THAP9: variants seen among roughly 807,000 people sequenced by gnomAD.
THAP9 encodes the protein THAP domain containing 9.
THAP9 carries 20 observed loss-of-function variants against 35.7 expected under a neutral mutation model. The ratio of observed to expected loss-of-function variants is 0.56; its 90% CI spans 0.39 to 0.81. The LOEUF is 0.81. Ranked by LOEUF, THAP9 falls within the 40% of genes least tolerant of loss-of-function variation. THAP9 has a pLI of 0.00. For synonymous variants in THAP9, 335 were observed against 373.7 expected (o/e 0.90, Z 1.19); for missense variants, 870 against 1,047.4 (o/e 0.83, Z 2.34).
At chr4:82,909,803 T>G (rs1720800325) in intron 4 of THAP9, among the ~76,000 whole-genome samples, 1 of 152,188 alleles carries the variant, frequency 6.6e-6, no homozygotes, top group Non-Finnish European at 1.5e-5. Flanking sequence ...GGTACTGTGT[T>G]GATAATTTCT....
chr4:82,903,164 CAAA>C (rs1010850523), intron 1 of THAP9, among the ~76,000 whole-genome samples: 13 of 152,312 alleles, frequency 8.5e-5, no homozygotes, highest in Admixed American at 4.6e-4. Context: ...AAGATAACGT[CAAA>C]GAAGAAGGGG....
At position 82,919,788 on chromosome 4, in the gene THAP9, G is replaced by A. The variant is rs947614576; in HGVS notation, c.*864G>A. The A allele has an allele frequency of 3.1e-4, 47 of 152,308 alleles. No individual in the cohort carries two copies. Among genetic ancestry groups the A allele is most frequent in the African/African-American group, 1.1e-3 (46 of 41,564 alleles). The allele number at this position is 152,308 out of a possible 1,614,324, so 9.4% of individuals were successfully genotyped here. On this transcript the variant is annotated 3_prime_UTR_variant, in exon 5 of 5. Transcript: ENST00000302236. The stretch of plus-strand genomic sequence containing the variant: ...CATAGGTAACTCTACTTTCACAAAT[G>A]AGGATAGTTTAACGGATAGAAGAAA...
Position 82,919,067 on chromosome 4 carries a change from T to C in THAP9, c.*143T>C. 1.5e-6 allele frequency: 1 copy of C among 658,206 alleles called. No individual in the cohort carries two copies. The highest frequency in any genetic ancestry group is 2.4e-5 in the South Asian group (1 of 42,374). The allele number at this position is 658,206 out of a possible 1,614,324, so 40.8% of individuals were successfully genotyped here. A position where few individuals can be genotyped will look rare whatever the true frequency, so the allele number is the denominator to read the frequency against. ...ACTTATTAAAATTTCAAATTCTGCA[T>C]ATCACAAAATCTCCTTATACTTTTG... On this transcript the variant is annotated 3_prime_UTR_variant, in exon 5 of 5. Transcript: ENST00000302236.
At chr4:82,905,838 GTAT>G (rs1720623563) in intron 2 of THAP9, 2 of 455,530 alleles carry the variant, frequency 4.4e-6, no homozygotes, top group Admixed American at 2.4e-5. Flanking sequence ...AAAGAATCCT[GTAT>G]TATTATCCAC....
At chr4:82,906,295 ATAACT>A in intron 2 of THAP9, 24 bp from the exon 3 acceptor site, 2 of 1,503,430 alleles carry the variant, frequency 1.3e-6, no homozygotes, top group Non-Finnish European at 1.8e-6. Context: ...TATTTCTAAA[ATAACT>A]TTAATTTTAT....
At chr4:82,907,619 G>C (rs1344392844) in intron 3 of THAP9, among the ~76,000 whole-genome samples, 166 bp from the exon 4 acceptor site, 1 of 152,058 alleles carries the variant, frequency 6.6e-6, no homozygotes, top group Non-Finnish European at 1.5e-5. Flanking sequence ...GAATAAATTG[G>C]TCAAGGGGTC....
chr4:82,913,020 AC>A (rs1439040269), intron 4 of THAP9, among the ~76,000 whole-genome samples: 2 of 152,188 alleles, frequency 1.3e-5, no homozygotes, highest in Non-Finnish European at 2.9e-5. Flanking sequence ...ATTAACAGTA[AC>A]TTTTACTTCT....
rs765465472 is a variant in THAP9 at position 82,917,442 on chromosome 4, A to C, written c.1230A>C (p.Ala410=). ...CTTCATCTTCTAGTCAACAGATTGC[A>C]TACTTCTTTGACTCTTGCCACTTGC... is the stretch of plus-strand genomic sequence containing the variant. ...QHPSSSSQQI[A]YFFDSCHLLR... is the part of the protein sequence containing the mutation. Residue 410 remains alanine, a synonymous_variant, in exon 5 of 5, where the codon GCA becomes GCC. Coordinates refer to ENST00000302236, the MANE Select transcript of THAP9 (RefSeq NM_024672.6). The C allele has an allele frequency of 5.6e-6, 9 of 1,614,002 alleles. No homozygotes were observed. Among genetic ancestry groups the C allele is most frequent in the East Asian group, 2.2e-5 (1 of 44,898 alleles).
chr4:82,908,045 A>G, intron 4 of THAP9, 110 bp downstream of exon 4: 1 of 1,185,270 alleles, frequency 8.4e-7, no homozygotes, highest in East Asian at 2.6e-5. Flanking sequence ...CTTTTGTTGC[A>G]TTTTACTTAT....
At position 82,906,508 on chromosome 4, in the gene THAP9, T is replaced by C. The variant is rs886445860; in HGVS notation, c.461T>C (p.Ile154Thr). ...QMLQVSKKRL[I>T]SVKNYRMIKK... Reference sequence around the variant, plus strand: ...TTACAAGTGTCCAAAAAAAGACTTATCTCCGTAAAGAACTACAGGATGATC... The same window carrying C: ...TTACAAGTGTCCAAAAAAAGACTTACCTCCGTAAAGAACTACAGGATGATC... The change falls in exon 3 of 5, where the codon ATC becomes ACC. Residue 154 changes from isoleucine (I) to threonine (T), a missense_variant. Coordinates refer to ENST00000302236, the MANE Select transcript of THAP9 (RefSeq NM_024672.6). The C allele has an allele frequency of 8.1e-6, 13 of 1,613,670 alleles. No individual in the cohort carries two copies. The highest frequency in any genetic ancestry group is 6.7e-5 in the African/African-American group (5 of 74,868).
chr4:82,908,042 T>TG, intron 4 of THAP9, 107 bp downstream of exon 4: 1 of 1,206,952 alleles, frequency 8.3e-7, no homozygotes, highest in Non-Finnish European at 1.2e-6. Flanking sequence ...ATTCTTTTGT[T>TG]GCATTTTACT....
At chr4:82,900,979 C>T (rs570056529) in intron 1 of THAP9, 97 bp downstream of exon 1, 4 of 1,425,158 alleles carry the variant, frequency 2.8e-6, no homozygotes, top group East Asian at 4.8e-5. Context: ...CTGTGGGTCG[C>T]GCCGCGTGTG....
At position 82,919,218 on chromosome 4, in the gene THAP9, G is replaced by A; in HGVS notation, c.*294G>A. ...AGACTAAGCAGTGTTACTGGACACA[G>A]TTTTAACTTGTTCAATCTGCTTCAA... On this transcript the variant is annotated 3_prime_UTR_variant, in exon 5 of 5. Transcript: ENST00000302236. 1 of 207,544 alleles carries A rather than the reference G, an allele frequency of 4.8e-6. No homozygotes were observed. 12.9% of individuals were successfully genotyped at this position (207,544 alleles called of 1,614,324 possible). A position where few individuals can be genotyped will look rare whatever the true frequency, so the allele number is the denominator to read the frequency against.
rs1216408116 is a variant in THAP9, at chr4:82,918,069, T to C, written c.1857T>C (p.Leu619=). The part of the protein sequence containing the change: ...HDHLELFLKM[L]RQVLVTSSSP... ...ATCTGGAATTATTTCTAAAGATGCTTAGGCAGGTATTAGTAACAAGTTCTA... is the reference window on the plus strand; with the variant it reads ...ATCTGGAATTATTTCTAAAGATGCTCAGGCAGGTATTAGTAACAAGTTCTA... The change falls in exon 5 of 5, where the codon CTT becomes CTC. Residue 619 remains leucine (L), a synonymous_variant. Transcript: ENST00000302236. 6 of 1,614,022 alleles carry C rather than the reference T, an allele frequency of 3.7e-6. No individual in the cohort carries two copies. Among genetic ancestry groups the C allele is most frequent in the African/African-American group, 2.7e-5 (2 of 74,948 alleles).
In THAP9 at chr4:82,906,396, CAAG is replaced by C. The variant is rs1578446453; in HGVS notation, c.353_355del (p.Glu118del). The C allele has an allele frequency of 4.3e-6, 7 of 1,613,440 alleles. No homozygotes were observed. The highest frequency in any genetic ancestry group is 2.2e-5 in the East Asian group (1 of 44,864). ...AAAACAACCTCTTCCAGACAATTCT[CAAG>C]AAGTTGCTACTGAGGACCATAACTA... On this transcript the variant is annotated inframe_deletion, in exon 3 of 5. Transcript: ENST00000302236.
rs6535411 is a variant in THAP9 at position 82,918,646 on chromosome 4, A to G, written c.2434A>G (p.Asn812Asp). ...ATTATGTGAGCTTTCTGGGCATATT[A>G]ATCTTTTTGTAGATGTGAATAAGCA... ...KILCELSGHI[N>D]LFVDVNKHLF... is the part of the protein sequence containing the mutation. Residue 812 changes from asparagine (N) to aspartate (D), a missense_variant, in exon 5 of 5, where the codon AAT becomes GAT. Physicochemically the swap from Asn to Asp is conservative, Grantham distance 23. This residue lies in a region of THAP9 where 414 missense variants were observed against 500.8 expected (regional missense o/e 0.83). Coordinates refer to ENST00000302236, the MANE Select transcript of THAP9 (RefSeq NM_024672.6). 1 allele frequency: 1,607,407 copies of G among 1,614,096 alleles called. 800,569 individuals carry two copies. Among genetic ancestry groups the G allele is most frequent in the East Asian group, 1 (44,870 of 44,870 alleles).
At chr4:82,908,486 T>C (rs183859145) in intron 4 of THAP9, among the ~76,000 whole-genome samples, 1 of 152,244 alleles carries the variant, frequency 6.6e-6, no homozygotes, top group Non-Finnish European at 1.5e-5. Flanking sequence ...TGGATAGATA[T>C]AATTCTCTTA....
intron 4 of THAP9, among the ~76,000 whole-genome samples, chr4:82,909,235 C>T (rs1454073532): frequency 2.4e-4 from 36 of 152,048 alleles, no homozygotes. Flanking sequence ...TATAGATTTT[C>T]CTCTATACAC....
chr4:82,912,531 T>C (rs554046701), intron 4 of THAP9, among the ~76,000 whole-genome samples: 1 of 152,338 alleles, frequency 6.6e-6, no homozygotes, highest in East Asian at 1.9e-4. Flanking sequence ...TGTATATTGG[T>C]TTGTTAATTT....
Sources: allele counts gnomAD v4.1 joint callset (sites outside exome capture counted in the v4.1 genomes callset), GRCh38; gene constraint gnomAD v4.1.1; regional missense constraint gnomAD v4.1.1; transcripts MANE v1.5; gene names NCBI Gene and HGNC (gene_info 2026-07-23, HGNC 2026-07-21).